The following KIAA1614 variants were observed in gnomAD, a reference collection of about 807,000 sequenced individuals.
KIAA1614 encodes uncharacterized protein KIAA1614.
A neutral mutation model predicts 88.7 loss-of-function variants in KIAA1614; 76 were observed. That is an observed-to-expected ratio of 0.86 (90% CI 0.71 to 1.04). The LOEUF is 1.04. Ranked by LOEUF, KIAA1614 falls within the 50% of genes least tolerant of loss-of-function variation. The probability of loss-of-function intolerance (pLI) is 0.00; values close to 1 mark genes in which losing one functional copy is unlikely to be tolerated. For synonymous variants in KIAA1614, 714 were observed against 675.5 expected (o/e 1.06, Z -0.88); for missense variants, 1,553 against 1,582.5 (o/e 0.98, Z 0.32).
rs568117368 is a variant in KIAA1614 at position 180,945,592 on chromosome 1, G to A, written c.*4G>A. The A allele has an allele frequency of 8.1e-6, 13 of 1,600,128 alleles. No individual in the cohort carries two copies. The highest frequency in any genetic ancestry group is 1.1e-5 in the South Asian group (1 of 88,530). ...GGCTTTTCTGGTCTTTGGCTGAGCC[G>A]TGCAGCTCTGGGAATTCAGAAAGCC... On this transcript the variant is annotated 3_prime_UTR_variant, in exon 9 of 9. Transcript: ENST00000367588.
intron 3 of KIAA1614, 114 bp from the exon 4 acceptor site, chr1:180,928,316 C>G: frequency 8.0e-7 from 1 of 1,244,738 alleles, no homozygotes; most frequent in South Asian, 1.9e-5. Flanking sequence ...GAAGGCTGCA[C>G]ATGCAGGGCT....
At chr1:180,925,604 C>G (rs1372152672) in intron 3 of KIAA1614, among the ~76,000 whole-genome samples, 2 of 152,270 alleles carry the variant, frequency 1.3e-5, no homozygotes, top group Non-Finnish European at 2.9e-5. Flanking sequence ...AATGGTGGTT[C>G]TCCTGCCCCA....
chr1:180,916,906 G>T lies in KIAA1614; in HGVS notation c.803G>T (p.Arg268Met). 2 of 1,614,244 alleles carry T rather than the reference G, an allele frequency of 1.2e-6. No individual in the cohort carries two copies. Among genetic ancestry groups the T allele is most frequent in the Non-Finnish European group, 8.5e-7 (1 of 1,180,048 alleles). The change falls in exon 2 of 9, where the codon AGG (arginine) becomes ATG (methionine). Residue 268 changes from arginine (R) to methionine (M), a missense_variant. Transcript: ENST00000367588. ...SLTSEEVFVP[R>M]TALLGERWRA... The stretch of plus-strand genomic sequence containing the variant: ...ACCTCCGAGGAGGTCTTTGTCCCCA[G>T]GACGGCCCTGCTGGGTGAGCGCTGG...
intron 3 of KIAA1614, among the ~76,000 whole-genome samples, chr1:180,920,807 G>A (rs897811076): frequency 1.3e-5 from 2 of 152,116 alleles, no homozygotes; most frequent in East Asian, 1.9e-4. Flanking sequence ...AAGGCTAAGG[G>A]TCAGATGCGG....
rs767511640 is a variant in KIAA1614 at position 180,945,621 on chromosome 1, G to A, written c.*33G>A. ...AGCTCTGGGAATTCAGAAAGCCTCTGACTACAGGACTAGGCTTCTCCCCTC... is the reference window on the plus strand; with the variant it reads ...AGCTCTGGGAATTCAGAAAGCCTCTAACTACAGGACTAGGCTTCTCCCCTC... On this transcript the variant is annotated 3_prime_UTR_variant, in exon 9 of 9. Transcript: ENST00000367588. 96 of 1,561,392 alleles carry A rather than the reference G, an allele frequency of 6.1e-5. No homozygotes were observed. The highest frequency in any genetic ancestry group is 7.2e-5 in the Non-Finnish European group (84 of 1,160,836).
At chr1:180,914,832 G>T (rs932742422) in intron 1 of KIAA1614, among the ~76,000 whole-genome samples, 2 of 152,094 alleles carry the variant, frequency 1.3e-5, no homozygotes, top group Admixed American at 1.3e-4. Context: ...TCTGCCTCCC[G>T]AGTTCAAGCA....
rs1021421395 is a variant in KIAA1614 at position 180,945,730 on chromosome 1, C to T, written c.*142C>T. The T allele has an allele frequency of 3.7e-5, 51 of 1,392,040 alleles. No homozygotes were observed. Among genetic ancestry groups the T allele is most frequent in the Middle Eastern group, 2.6e-4 (1 of 3,856 alleles). The allele number at this position is 1,392,040 out of a possible 1,614,324, so 86.2% of individuals were successfully genotyped here. A position where few individuals can be genotyped will look rare whatever the true frequency, so the allele number is the denominator to read the frequency against. On this transcript the variant is annotated 3_prime_UTR_variant, in exon 9 of 9. Transcript: ENST00000367588. ...CCCTAGGCAACTGCAGCTGAGAGTG[C>T]GTTGGTGGGGAGTGTGCGGGAGGGG...
intron 6 of KIAA1614, among the ~76,000 whole-genome samples, chr1:180,939,583 C>T (rs900778949): frequency 1.1e-4 from 17 of 152,164 alleles, no homozygotes; most frequent in African/African-American, 4.1e-4. Flanking sequence ...GAACTCATGG[C>T]TTCTTTGCTA....
At position 180,928,436 on chromosome 1, in the gene KIAA1614, T is replaced by C. The variant is rs376110764; in HGVS notation, c.1068T>C (p.Val356=). ...CCTGTGTGCCACGCTGCAGGACCGTTGGTCCCAACCCGGAGCCTGTGCTGA... is the reference window on the plus strand; with the variant it reads ...CCTGTGTGCCACGCTGCAGGACCGTCGGTCCCAACCCGGAGCCTGTGCTGA... ...SLQDSGQNRT[V]GPNPEPVLSP... is the part of the protein sequence containing the mutation. Residue 356 remains valine (V), a synonymous_variant, in exon 4 of 9, where the codon GTT becomes GTC. Coordinates refer to ENST00000367588, the MANE Select transcript of KIAA1614 (RefSeq NM_020950.2). The C allele has an allele frequency of 4.0e-5, 65 of 1,611,760 alleles. No homozygotes were observed. Among genetic ancestry groups the C allele is most frequent in the Non-Finnish European group, 5.3e-5 (62 of 1,179,026 alleles).
intron 2 of KIAA1614, among the ~76,000 whole-genome samples, chr1:180,917,467 G>GT (rs1274187955): frequency 4.9e-5 from 3 of 61,348 alleles, no homozygotes; most frequent in East Asian, 8.9e-4. Context: ...CCCTCTGGTG[G>GT]GGCAAGCAGA....
rs994456017 is a variant in KIAA1614 at position 180,945,876 on chromosome 1, G to C, written c.*288G>C. On this transcript the variant is annotated 3_prime_UTR_variant, in exon 9 of 9. Coordinates refer to ENST00000367588, the MANE Select transcript of KIAA1614 (RefSeq NM_020950.2). ...TCCCAGAACTTTGGGAGGCCGAGGC[G>C]CCTGGATCACCTGAGGTCAGGAGTT... The C allele has an allele frequency of 9.5e-7, 1 of 1,057,874 alleles. No homozygotes were observed. The highest frequency in any genetic ancestry group is 1.7e-5 in the African/African-American group (1 of 59,766). 65.5% of individuals were successfully genotyped at this position (1,057,874 alleles called of 1,614,324 possible).
chr1:180,942,213 C>T (rs1478942832), intron 7 of KIAA1614, among the ~76,000 whole-genome samples: 1 of 152,218 alleles, frequency 6.6e-6, no homozygotes, highest in Non-Finnish European at 1.5e-5. Flanking sequence ...TATTCCGGTA[C>T]TTACTAGGGA....
chr1:180,923,678 A>T (rs1464072470), intron 3 of KIAA1614, among the ~76,000 whole-genome samples: 2 of 152,172 alleles, frequency 1.3e-5, no homozygotes, highest in Non-Finnish European at 2.9e-5. Context: ...AAAGGCTCTC[A>T]GAAATGTCTG....
chr1:180,943,548 A>ATTTTTTTTTTTTTTTTTTTTTT lies in KIAA1614; in HGVS notation c.3160-840_3160-839insTTTTTTTTTTTTTTTTTTTTTT, dbSNP rs201999726. Among the ~76,000 whole-genome samples the ATTTTTTTTTTTTTTTTTTTTTT allele has an allele frequency of 5.5e-3, 409 of 74,744 alleles. 110 individuals are homozygous for ATTTTTTTTTTTTTTTTTTTTTT. The highest frequency in any genetic ancestry group is 0.01 in the East Asian group (27 of 2,586). The allele number at this position is 74,744 out of a possible 152,430, so 49.0% of individuals were successfully genotyped here. On this transcript the variant is annotated intron_variant, in intron 7 of 8. Coordinates refer to ENST00000367588, the MANE Select transcript of KIAA1614 (RefSeq NM_020950.2). ...GGATTGTAGGATTGAATGGTAGTAG[A>ATTTTTTTTTTTTTTTTTTTTTT]TCTTTTTTTTTTTTTTTTGAGACAG...
chr1:180,941,725 T>C (rs1013715772), intron 7 of KIAA1614, among the ~76,000 whole-genome samples: 3 of 152,198 alleles, frequency 2.0e-5, no homozygotes, highest in Non-Finnish European at 2.9e-5. Flanking sequence ...CCTTCTGATA[T>C]GCAAATCCGA....
In KIAA1614 at chr1:180,916,721, C is replaced by G. The variant is rs370554340; in HGVS notation, c.618C>G (p.Ser206Arg). 3.2e-5 allele frequency: 51 copies of G among 1,613,646 alleles called. No individual in the cohort carries two copies. The highest frequency in any genetic ancestry group is 1.8e-5 in the Non-Finnish European group (21 of 1,179,802). The change falls in exon 2 of 9, where the codon AGC becomes AGG. Residue 206 changes from serine (S) to arginine (R), a missense_variant. By Grantham distance (110) the Ser-to-Arg change is moderately radical. Coordinates refer to ENST00000367588, the MANE Select transcript of KIAA1614 (RefSeq NM_020950.2). ...ACAGAGGTCCGCTGCTGGGGCCCAGCTCTTTGCAACAGAGCCCGATCCATG... is the reference window on the plus strand; with the variant it reads ...ACAGAGGTCCGCTGCTGGGGCCCAGGTCTTTGCAACAGAGCCCGATCCATG... ...DHDRGPLLGP[S>R]SLQQSPIHGV...
chr1:180,939,910 C>T (rs1297416615), intron 6 of KIAA1614, among the ~76,000 whole-genome samples: 3 of 152,210 alleles, frequency 2.0e-5, no homozygotes, highest in Non-Finnish European at 2.9e-5. Flanking sequence ...CAGAGCTCTT[C>T]CTGCCCCAAG....
intron 3 of KIAA1614, among the ~76,000 whole-genome samples, chr1:180,921,083 A>C (rs1003806907): frequency 9.9e-5 from 15 of 152,150 alleles, no homozygotes; most frequent in Non-Finnish European, 1.9e-4. Context: ...AAGTCTGTTT[A>C]TTTCACCTGG....
chr1:180,918,380 C>A (rs1194420885), intron 3 of KIAA1614, among the ~76,000 whole-genome samples: 1 of 152,196 alleles, frequency 6.6e-6, no homozygotes, highest in Admixed American at 6.5e-5. Context: ...ATTTCACCTC[C>A]AACCTTACCA....
Sources: allele counts gnomAD v4.1 joint callset (sites outside exome capture counted in the v4.1 genomes callset), GRCh38; gene constraint gnomAD v4.1.1; transcripts MANE v1.5; gene names NCBI Gene and HGNC (gene_info 2026-07-23, HGNC 2026-07-21).